SORBS2: variants seen among roughly 807,000 people sequenced by gnomAD.
SORBS2 encodes sorbin and SH3 domain-containing protein 2.
SORBS2 carries 46 observed loss-of-function variants against 97.7 expected under a neutral mutation model. That is an observed-to-expected ratio of 0.47 (90% CI 0.37 to 0.60). SORBS2 has a LOEUF of 0.60. SORBS2 is among the 20% of genes least tolerant of loss of function. The pLI is 0.00. For synonymous variants in SORBS2, 476 were observed against 473.4 expected (o/e 1.01, Z -0.07); for missense variants, 1,316 against 1,282.3 (o/e 1.03, Z -0.40).
At chr4:185,818,891 C>T (rs2099194990) in intron 1 of SORBS2, among the ~76,000 whole-genome samples, 1 of 151,980 alleles carries the variant, frequency 6.6e-6, no homozygotes, top group Admixed American at 6.6e-5. Context: ...CATTCCACAA[C>T]CAACTTTCCT....
intron 1 of SORBS2, among the ~76,000 whole-genome samples, chr4:185,799,049 A>C (rs376243665): frequency 2.0e-5 from 3 of 152,232 alleles, no homozygotes; most frequent in African/African-American, 4.8e-5. Context: ...ACTGACATCA[A>C]TTTGAGAACT....
chr4:185,648,987 A>G (rs1181412579), intron 3 of SORBS2, among the ~76,000 whole-genome samples: 1 of 152,230 alleles, frequency 6.6e-6, no homozygotes, highest in Non-Finnish European at 1.5e-5. Context: ...AAAATATTTC[A>G]GTGGAGAAAG....
At chr4:185,931,797 A>T (rs2099266557) in intron 1 of SORBS2, among the ~76,000 whole-genome samples, 2 of 108,696 alleles carry the variant, frequency 1.8e-5, no homozygotes, top group Admixed American at 2.0e-4. Flanking sequence ...AAGACAGGAG[A>T]GGCAGAGACA....
chr4:185,625,596 T>C (rs1401345326), intron 6 of SORBS2, among the ~76,000 whole-genome samples: 2 of 152,226 alleles, frequency 1.3e-5, no homozygotes, highest in African/African-American at 2.4e-5. Context: ...AACTTTTGGC[T>C]AGTATCCAAG....
intron 13 of SORBS2, chr4:185,591,843 A>G (rs2095947304): frequency 6.6e-6 from 1 of 152,176 alleles, no homozygotes; most frequent in Non-Finnish European, 1.5e-5. Context: ...CTCCTGCTTC[A>G]TTTTTGTCTG....
chr4:185,733,197 T>C (rs1242067923), intron 2 of SORBS2, among the ~76,000 whole-genome samples: 1 of 152,232 alleles, frequency 6.6e-6, no homozygotes, highest in African/African-American at 2.4e-5. Flanking sequence ...GTCTCTTCTT[T>C]TGCAATCCAA....
chr4:185,744,577 T>C (rs1005048277), intron 2 of SORBS2, among the ~76,000 whole-genome samples: 6 of 152,246 alleles, frequency 3.9e-5, no homozygotes, highest in South Asian at 2.1e-4. Flanking sequence ...GATGTTATCT[T>C]GCAAACCATG....
intron 2 of SORBS2, among the ~76,000 whole-genome samples, chr4:185,691,739 G>T (rs1027529912): frequency 2.6e-5 from 4 of 152,044 alleles, no homozygotes; most frequent in African/African-American, 9.7e-5. Flanking sequence ...GAAAGGGGTT[G>T]TCTCAGAAAA....
chr4:185,814,504 G>A (rs181716605), intron 1 of SORBS2, among the ~76,000 whole-genome samples: 7 of 152,278 alleles, frequency 4.6e-5, no homozygotes, highest in Non-Finnish European at 1.0e-4. Flanking sequence ...TCACATGACT[G>A]CATTCCAGCT....
intron 1 of SORBS2, among the ~76,000 whole-genome samples, chr4:185,892,594 A>C (rs1428391480): frequency 1.3e-5 from 2 of 152,238 alleles, no homozygotes; most frequent in African/African-American, 4.8e-5. Context: ...AACCTTAAGA[A>C]GGAAGGAAAT....
chr4:185,622,924 A>G (rs753333842), exon 7 of SORBS2: 4 of 1,606,902 alleles, frequency 2.5e-6, no homozygotes, highest in Non-Finnish European at 1.7e-6. Flanking sequence ...CTTGGAGTGC[A>G]CCGCCACGGT....
In SORBS2 at chr4:185,692,914, A is replaced by AATC. The variant is rs2098120988; in HGVS notation, c.-197-14095_-197-14093dup. Among the ~76,000 whole-genome samples the AATC allele has an allele frequency of 2.6e-5, 4 of 152,348 alleles. No homozygotes were observed. The South Asian group carries it at 8.3e-4, about 32-fold the overall frequency. ...AAATAGGTAAAATCACAGTACTGAT[A>AATC]ATCACCTCAGTATATGTTTTTAGAG... On this transcript the variant is annotated intron_variant, in intron 2 of 20. Transcript: ENST00000284776.
At chr4:185,641,616 C>T (rs73030023) in intron 4 of SORBS2, among the ~76,000 whole-genome samples, 1 of 152,088 alleles carries the variant, frequency 6.6e-6, no homozygotes, top group Non-Finnish European at 1.5e-5. Context: ...CCTTTGAGTA[C>T]AGCACTAATA....
chr4:185,860,628 G>A (rs1405761463), intron 1 of SORBS2, among the ~76,000 whole-genome samples: 1 of 152,186 alleles, frequency 6.6e-6, no homozygotes, highest in African/African-American at 2.4e-5. Context: ...TGTACCCAAG[G>A]TGGCTGGGCT....
chr4:185,856,667 T>C (rs1033781629), intron 1 of SORBS2, among the ~76,000 whole-genome samples: 1 of 152,224 alleles, frequency 6.6e-6, no homozygotes, highest in South Asian at 2.1e-4. Context: ...ATTCATATGT[T>C]GATGGCATTT....
chr4:185,751,974 G>C (rs1329363882), intron 2 of SORBS2, among the ~76,000 whole-genome samples: 1 of 152,188 alleles, frequency 6.6e-6, no homozygotes, highest in African/African-American at 2.4e-5. Context: ...ACAGCTGGCA[G>C]TGGGGATGGG....
intron 12 of SORBS2, among the ~76,000 whole-genome samples, chr4:185,600,326 T>A (rs564534847): frequency 1.3e-5 from 2 of 152,080 alleles, no homozygotes; most frequent in African/African-American, 4.8e-5. Flanking sequence ...ATATAAGAAA[T>A]GTTATATCTT....
chr4:185,802,589 C>T (rs967064901), intron 1 of SORBS2, among the ~76,000 whole-genome samples: 1 of 152,076 alleles, frequency 6.6e-6, no homozygotes, highest in Non-Finnish European at 1.5e-5. Flanking sequence ...AATGGGACAA[C>T]AGTCTTCAAG....
At chr4:185,942,357 C>CT (rs141053685) in intron 1 of SORBS2, among the ~76,000 whole-genome samples, 31,041 of 147,772 alleles carry the variant, frequency 0.21, 3,886 homozygotes, top group East Asian at 0.53. Context: ...TTTATATTTT[C>CT]TTTTTTTTTT....
Sources: allele counts gnomAD v4.1 joint callset (sites outside exome capture counted in the v4.1 genomes callset), GRCh38; gene constraint gnomAD v4.1.1; transcripts MANE v1.5; gene names NCBI Gene and HGNC (gene_info 2026-07-23, HGNC 2026-07-21).